Variants in FAT3 observed in about 807,000 individuals in gnomAD.
FAT3 encodes FAT atypical cadherin 3.
FAT3 carries 95 observed loss-of-function variants against 310.2 expected under a neutral mutation model. That is an observed-to-expected ratio of 0.31 (90% CI 0.26 to 0.36). FAT3 has a LOEUF of 0.36. FAT3 is among the 10% of genes least tolerant of loss of function. The pLI, the probability that FAT3 is intolerant of heterozygous loss-of-function variation, is 1.00. For missense variants in FAT3, 5,408 were observed against 5,715.6 expected, an observed-to-expected ratio of 0.95 and a Z score of 1.74; for synonymous variants, 2,314 against 2,192.9, an observed-to-expected ratio of 1.06 and a Z score of -1.54.
chr11:92,874,887 A>G lies in FAT3; in HGVS notation c.12128-5844A>G, dbSNP rs563971620. On this transcript the variant is annotated intron_variant, in intron 22 of 27. Coordinates refer to ENST00000525166, the MANE Select transcript of FAT3 (RefSeq NM_001367949.2). ...GCTTAACCTCTCCAGCAGCCCCAGG[A>G]GTTGAGATGTTAATGAGACCTCTTC... Among the ~76,000 whole-genome samples the G allele has an allele frequency of 1.2e-4, 19 of 152,246 alleles. No homozygotes were observed. The South Asian group carries it at 3.1e-3, about 25-fold the overall frequency.
At position 92,524,631 on chromosome 11, in the gene FAT3, CA is replaced by C. The variant is rs1181723189; in HGVS notation, c.3293-2del. ...ACAGTAACACTTCTCTTTTTTGTCT[CA>C]GGGGTCATCACTGCCGCAGACATTC... On this transcript the variant is annotated splice_acceptor_variant, in intron 2 of 27. Transcript: ENST00000525166. LOFTEE classifies it high-confidence loss of function. 1 of 1,607,640 alleles carries C rather than the reference CA, an allele frequency of 6.2e-7. No homozygotes were observed. Among genetic ancestry groups the C allele is most frequent in the South Asian group, 1.1e-5 (1 of 90,452 alleles).
At position 92,889,257 on chromosome 11, in the gene FAT3, T is replaced by A. The variant is rs77494501; in HGVS notation, c.13111+9T>A. The A allele has an allele frequency of 2.2e-4, 153 of 700,286 alleles. No homozygotes were observed. The highest frequency in any genetic ancestry group is 2.7e-4 in the Non-Finnish European group (102 of 376,928). The allele number at this position is 700,286 out of a possible 1,614,324, so 43.4% of individuals were successfully genotyped here. A position where few individuals can be genotyped will look rare whatever the true frequency, so the allele number is the denominator to read the frequency against. On this transcript the variant is annotated intron_variant, in intron 26 of 27. Transcript: ENST00000525166. ...CACTATAGAGAATGAAGGTATTTAC[T>A]TTTTTTCTTCCATAGCATTTCTTGA...
At chr11:92,575,506 C>T (rs1256634642) in intron 3 of FAT3, among the ~76,000 whole-genome samples, 2 of 152,092 alleles carry the variant, frequency 1.3e-5, no homozygotes, top group Admixed American at 1.3e-4. Flanking sequence ...TATATCAATC[C>T]TCTCTAAAAA....
At chr11:92,578,558 G>C (rs1025916111) in intron 3 of FAT3, among the ~76,000 whole-genome samples, 2 of 152,124 alleles carry the variant, frequency 1.3e-5, no homozygotes, top group Non-Finnish European at 2.9e-5. Flanking sequence ...CCACAACACA[G>C]ATCTGCCAAA....
chr11:92,435,565 TC>T (rs1333901970), intron 2 of FAT3, among the ~76,000 whole-genome samples: 1 of 148,594 alleles, frequency 6.7e-6, no homozygotes, highest in East Asian at 2.0e-4. Flanking sequence ...CTTTATTCTT[TC>T]TCTTTTTTTT....
chr11:92,753,436 G>A (rs1386711493), intron 4 of FAT3, among the ~76,000 whole-genome samples: 3 of 152,170 alleles, frequency 2.0e-5, no homozygotes, highest in South Asian at 2.1e-4. Context: ...CTGGGGCAAC[G>A]TGGAAGAGGA....
chr11:92,611,747 G>A (rs930008745), intron 3 of FAT3, among the ~76,000 whole-genome samples: 1 of 152,156 alleles, frequency 6.6e-6, no homozygotes, highest in African/African-American at 2.4e-5. Flanking sequence ...TAGGGGGAGA[G>A]AGGAAATCAA....
chr11:92,887,301 G>A (rs920221011), intron 25 of FAT3, among the ~76,000 whole-genome samples, 188 bp downstream of exon 25: 1 of 152,196 alleles, frequency 6.6e-6, no homozygotes. Flanking sequence ...CCATTGAGCT[G>A]TAGCTGTGAG....
chr11:92,628,919 C>A (rs1941441411), intron 3 of FAT3, among the ~76,000 whole-genome samples: 1 of 152,224 alleles, frequency 6.6e-6, no homozygotes, highest in South Asian at 2.1e-4. Flanking sequence ...CTCACACACA[C>A]ACACTGCAGG....
chr11:92,439,551 G>A (rs1366381315), intron 2 of FAT3, among the ~76,000 whole-genome samples: 1 of 151,708 alleles, frequency 6.6e-6, no homozygotes, highest in Non-Finnish European at 1.5e-5. Context: ...TCTGCCTTTC[G>A]GGAGCTCACA....
chr11:92,762,184 A>C lies in FAT3; in HGVS notation c.3984+14A>C, dbSNP rs2136086815. On this transcript the variant is annotated intron_variant, in intron 5 of 27. Transcript: ENST00000525166. ...GACATCCTAACGGTAAGATCTTCCAAACTCCAGCAGCACAGCAGATGGGGG... is the reference window on the plus strand; with the variant it reads ...GACATCCTAACGGTAAGATCTTCCACACTCCAGCAGCACAGCAGATGGGGG... 6.2e-7 allele frequency: 1 copy of C among 1,600,676 alleles called. No homozygotes were observed. Among genetic ancestry groups the C allele is most frequent in the Non-Finnish European group, 8.5e-7 (1 of 1,172,226 alleles).
intron 11 of FAT3, among the ~76,000 whole-genome samples, chr11:92,805,771 T>C (rs1476021305): frequency 1.3e-5 from 2 of 152,204 alleles, no homozygotes; most frequent in African/African-American, 4.8e-5. Context: ...AGGCTCCTTA[T>C]GAAGTGGCCT....
intron 13 of FAT3, among the ~76,000 whole-genome samples, chr11:92,829,385 C>T (rs1276944437): frequency 6.6e-6 from 1 of 152,182 alleles, no homozygotes; most frequent in Non-Finnish European, 1.5e-5. Flanking sequence ...ATTTGAAAAC[C>T]TGTGTGCTGT....
chr11:92,720,547 C>A (rs763106513), intron 4 of FAT3, among the ~76,000 whole-genome samples: 1 of 152,138 alleles, frequency 6.6e-6, no homozygotes, highest in Non-Finnish European at 1.5e-5. Flanking sequence ...ACATAGTGAA[C>A]TGTTTAGCAT....
At chr11:92,410,343 GGAGA>G (rs146907224) in intron 2 of FAT3, among the ~76,000 whole-genome samples, 8 of 151,154 alleles carry the variant, frequency 5.3e-5, no homozygotes, top group South Asian at 2.1e-4. Context: ...TGAGAGAGAC[GGAGA>G]GAGAGAGAGA....
chr11:92,446,368 A>G (rs1467032581), intron 2 of FAT3, among the ~76,000 whole-genome samples: 1 of 152,168 alleles, frequency 6.6e-6, no homozygotes, highest in Admixed American at 6.5e-5. Flanking sequence ...GGCATGAAGG[A>G]AGAAGCCCTT....
intron 13 of FAT3, among the ~76,000 whole-genome samples, chr11:92,815,181 A>G (rs1464276142): frequency 2.0e-5 from 3 of 152,182 alleles, no homozygotes; most frequent in Non-Finnish European, 4.4e-5. Context: ...TCTGAAATGA[A>G]TTGGAACAAG....
In FAT3 at chr11:92,856,353, C is replaced by T. The variant is rs550542788; in HGVS notation, c.11366-861C>T. On this transcript the variant is annotated intron_variant, in intron 19 of 27. Coordinates refer to ENST00000525166, the MANE Select transcript of FAT3 (RefSeq NM_001367949.2). ...AATTTGTGTCTCCTTTTTTATAATT[C>T]TTTTACCACTGAAAGTCTTACCAGA... Among the ~76,000 whole-genome samples, 34 of 152,178 alleles carry T rather than the reference C, an allele frequency of 2.2e-4. No homozygotes were observed. The South Asian group carries it at 7.1e-3, about 32-fold the overall frequency.
chr11:92,638,607 T>G (rs559172564), intron 3 of FAT3, among the ~76,000 whole-genome samples: 1 of 152,320 alleles, frequency 6.6e-6, no homozygotes, highest in African/African-American at 2.4e-5. Flanking sequence ...GCTACACATC[T>G]GGACCCACTG....
Sources: gnomAD v4.1 joint callset for allele counts (sites outside exome capture counted in the v4.1 genomes callset) on GRCh38, gnomAD v4.1.1 for gene constraint, MANE v1.5 for transcripts, NCBI Gene and HGNC (gene_info 2026-07-23, HGNC 2026-07-21) for gene names.